The following AGTR1 variants were observed in gnomAD, a reference collection of about 807,000 sequenced individuals.
AGTR1 encodes the protein type-1 angiotensin II receptor.
In AGTR1, 16 loss-of-function variants were observed where a neutral mutation model predicts 19.4. The ratio of observed to expected loss-of-function variants is 0.82; its 90% CI spans 0.56 to 1.25. The LOEUF is 1.25. Ranked by LOEUF, AGTR1 falls within the 50% of genes most tolerant of loss-of-function variation. AGTR1 has a pLI of 0.00. For missense variants in AGTR1, 373 were observed against 431.9 expected, an observed-to-expected ratio of 0.86 and a Z score of 1.21; for synonymous variants, 153 against 154.9, an observed-to-expected ratio of 0.99 and a Z score of 0.09.
intron 2 of AGTR1, among the ~76,000 whole-genome samples, chr3:148,710,780 G>T (rs1193214411): frequency 6.6e-6 from 1 of 152,154 alleles, no homozygotes; most frequent in African/African-American, 2.4e-5. Flanking sequence ...GTGATCCCCT[G>T]TGTTGGAGGT....
At chr3:148,700,424 A>G (rs923261994) in intron 1 of AGTR1, among the ~76,000 whole-genome samples, 1 of 152,200 alleles carries the variant, frequency 6.6e-6, no homozygotes, top group Non-Finnish European at 1.5e-5. Context: ...CCTTTCAAGC[A>G]GATAACTGAG....
At chr3:148,700,746 G>T (rs1166441283) in intron 1 of AGTR1, among the ~76,000 whole-genome samples, 1 of 152,168 alleles carries the variant, frequency 6.6e-6, no homozygotes, top group Non-Finnish European at 1.5e-5. Flanking sequence ...AAGTGTCCAA[G>T]CCCAGCTTAG....
At chr3:148,698,882 C>T (rs12695864) in intron 1 of AGTR1, among the ~76,000 whole-genome samples, 6,482 of 152,262 alleles carry the variant, frequency 0.043, 459 homozygotes, top group African/African-American at 0.15. Context: ...CCAACTCCAT[C>T]CTCCAATTTT....
intron 2 of AGTR1, among the ~76,000 whole-genome samples, chr3:148,735,223 CAG>C (rs779404639): frequency 2.0e-5 from 3 of 152,170 alleles, no homozygotes; most frequent in Non-Finnish European, 4.4e-5. Flanking sequence ...GAAGACCAGA[CAG>C]AGTTTCAGAG....
intron 1 of AGTR1, among the ~76,000 whole-genome samples, chr3:148,699,324 G>C (rs959867675): frequency 6.6e-6 from 1 of 152,166 alleles, no homozygotes; most frequent in Non-Finnish European, 1.5e-5. Context: ...TGGATCTCCA[G>C]GTGTTTATTT....
rs762020328 is a variant in AGTR1 at position 148,741,412 on chromosome 3, G to C, written c.377G>C (p.Arg126Pro). 1.2e-6 allele frequency: 2 copies of C among 1,604,322 alleles called. No individual in the cohort carries two copies. Among genetic ancestry groups the C allele is most frequent in the Admixed American group, 1.7e-5 (1 of 59,964 alleles). The change falls in exon 3 of 3, where the codon CGA becomes CCA. Residue 126 changes from arginine (R) to proline (P), a missense_variant. Arg to Pro is a moderately radical substitution (Grantham distance 103, BLOSUM62 -2). Coordinates refer to ENST00000349243, the MANE Select transcript of AGTR1 (RefSeq NM_000685.5). ...CTACTCACGTGTCTCAGCATTGATC[G>C]ATACCTGGCTATTGTTCACCCAATG... ...VFLLTCLSID[R>P]YLAIVHPMKS...
chr3:148,729,835 C>T (rs1714153357), intron 2 of AGTR1, among the ~76,000 whole-genome samples: 3 of 152,136 alleles, frequency 2.0e-5, no homozygotes, highest in Admixed American at 2.0e-4. Context: ...GCGAAACAGT[C>T]TGGTCCAAGC....
At chr3:148,737,483 C>T (rs1459922849) in intron 2 of AGTR1, among the ~76,000 whole-genome samples, 1 of 151,858 alleles carries the variant, frequency 6.6e-6, no homozygotes, top group Non-Finnish European at 1.5e-5. Context: ...ATGTAACATT[C>T]GACACACTAA....
intron 1 of AGTR1, among the ~76,000 whole-genome samples, chr3:148,700,645 G>C (rs888376934): frequency 6.6e-5 from 10 of 152,148 alleles, no homozygotes; most frequent in Non-Finnish European, 1.3e-4. Context: ...GAAGTTTGAA[G>C]TCAGTCCAAG....
At chr3:148,738,003 A>G (rs1377387903) in intron 2 of AGTR1, among the ~76,000 whole-genome samples, 1 of 152,194 alleles carries the variant, frequency 6.6e-6, no homozygotes, top group Non-Finnish European at 1.5e-5. Context: ...AACTATGCCT[A>G]TAAATTGATC....
intron 2 of AGTR1, among the ~76,000 whole-genome samples, chr3:148,720,296 A>G (rs1377282121): frequency 6.6e-6 from 1 of 152,110 alleles, no homozygotes; most frequent in East Asian, 1.9e-4. Context: ...GGCTCAAAGC[A>G]TAAGTGTCAA....
intron 2 of AGTR1, among the ~76,000 whole-genome samples, chr3:148,714,425 G>A (rs1713173402): frequency 6.6e-6 from 1 of 152,098 alleles, no homozygotes; most frequent in African/African-American, 2.4e-5. Context: ...TAGAGCAAAT[G>A]CAAATTCCTT....
intron 2 of AGTR1, among the ~76,000 whole-genome samples, chr3:148,709,525 G>A (rs894707294): frequency 1.3e-5 from 2 of 152,108 alleles, no homozygotes; most frequent in African/African-American, 4.8e-5. Flanking sequence ...AAACCTTTAA[G>A]TTTCAGATGA....
chr3:148,733,085 G>A (rs1485379919), intron 2 of AGTR1, among the ~76,000 whole-genome samples: 1 of 152,072 alleles, frequency 6.6e-6, no homozygotes, highest in Non-Finnish European at 1.5e-5. Context: ...AGGATACAGG[G>A]GTCCAGGGAA....
At chr3:148,714,553 G>A (rs1310973355) in intron 2 of AGTR1, among the ~76,000 whole-genome samples, 1 of 152,088 alleles carries the variant, frequency 6.6e-6, no homozygotes, top group Non-Finnish European at 1.5e-5. Flanking sequence ...GAACTGACAG[G>A]AACTAGAGAC....
At chr3:148,699,089 C>T (rs1394781815) in intron 1 of AGTR1, among the ~76,000 whole-genome samples, 2 of 152,170 alleles carry the variant, frequency 1.3e-5, no homozygotes, top group African/African-American at 4.8e-5. Flanking sequence ...AACCTACTCC[C>T]CCCCTTCAGG....
chr3:148,725,476 T>C (rs2107953206), intron 2 of AGTR1, among the ~76,000 whole-genome samples: 1 of 152,318 alleles, frequency 6.6e-6, no homozygotes, highest in Non-Finnish European at 1.5e-5. Context: ...AGTAAAATTT[T>C]ATGACGCAAT....
rs949413715 is a variant in AGTR1 at position 148,741,604 on chromosome 3, C to G, written c.569C>G (p.Thr190Ser). The G allele has an allele frequency of 1.4e-5, 22 of 1,613,954 alleles. No individual in the cohort carries two copies. Among genetic ancestry groups the G allele is most frequent in the Admixed American group, 6.7e-5 (4 of 59,982 alleles). The change falls in exon 3 of 3, where the codon ACC becomes AGC. Residue 190 changes from threonine (T) to serine (S), a missense_variant. Coordinates refer to ENST00000349243, the MANE Select transcript of AGTR1 (RefSeq NM_000685.5). ...CAFHYESQNS[T>S]LPIGLGLTKN... ...TTCCATTATGAGTCCCAAAATTCAA[C>G]CCTCCCGATAGGGCTGGGCCTGACC...
chr3:148,733,070 C>T (rs1022660518), intron 2 of AGTR1, among the ~76,000 whole-genome samples: 1 of 152,076 alleles, frequency 6.6e-6, no homozygotes, highest in Admixed American at 6.6e-5. Flanking sequence ...ATAACCAACT[C>T]CCCGAGGATA....
Sources: allele counts gnomAD v4.1 joint callset (sites outside exome capture counted in the v4.1 genomes callset), GRCh38; gene constraint gnomAD v4.1.1; transcripts MANE v1.5; gene names NCBI Gene and HGNC (gene_info 2026-07-23, HGNC 2026-07-21).